Variants in BBS4 observed in about 807,000 individuals in gnomAD.
BBS4 encodes the protein BBSome complex member BBS4.
Under a neutral mutation model 71.4 loss-of-function variants are expected in BBS4, and 58 were observed. The ratio of observed to expected loss-of-function variants is 0.81; its 90% CI spans 0.66 to 1.01. BBS4 has a LOEUF of 1.01. BBS4 is among the 50% of genes least tolerant of loss of function. The pLI is 0.00. For synonymous variants in BBS4, 228 were observed against 216.8 expected, an observed-to-expected ratio of 1.05 and a Z score of -0.46; for missense variants, 660 against 607.9, an observed-to-expected ratio of 1.09 and a Z score of -0.90.
intron 10 of BBS4, 78 bp downstream of exon 10, chr15:72,729,762 A>G (rs1039149116): frequency 8.1e-7 from 1 of 1,234,028 alleles, no homozygotes; most frequent in Non-Finnish European, 1.2e-6. Context: ...CCTGGAAAGC[A>G]AAGGAATAGC....
chr15:72,723,037 T>A (rs771486025), intron 7 of BBS4, among the ~76,000 whole-genome samples, 190 bp downstream of exon 7: 2 of 152,154 alleles, frequency 1.3e-5, no homozygotes, highest in Non-Finnish European at 2.9e-5. Flanking sequence ...CTGCTTGTAA[T>A]AAGAACATGG....
intron 2 of BBS4, among the ~76,000 whole-genome samples, chr15:72,709,371 C>T (rs896046514): frequency 2.6e-5 from 4 of 152,202 alleles, no homozygotes; most frequent in Non-Finnish European, 5.9e-5. Flanking sequence ...GAAAGTCTTT[C>T]TGTTCACCTT....
rs367882912 is a variant in BBS4, at chr15:72,724,581, T to C, written c.513T>C (p.Tyr171=). The part of the protein sequence containing the change: ...ALNLNRHDLT[Y]IMLGKIHLLE... ...ATCTTAATAGGCACGATCTGACTTA[T>C]ATAATGCTGGGGAAGATCCACTTGC... The change falls in exon 8 of 16, where the codon TAT becomes TAC. Residue 171 remains tyrosine (Y), a synonymous_variant. Coordinates refer to ENST00000268057, the MANE Select transcript of BBS4 (RefSeq NM_033028.5). 206 of 1,614,110 alleles carry C rather than the reference T, an allele frequency of 1.3e-4. No homozygotes were observed. The highest frequency in any genetic ancestry group is 5.3e-4 in the Admixed American group (32 of 60,022).
intron 1 of BBS4, 106 bp from the exon 2 acceptor site, chr15:72,695,071 A>T: frequency 2.6e-6 from 2 of 769,432 alleles, no homozygotes; most frequent in Non-Finnish European, 4.5e-6. Context: ...TAATGGATTA[A>T]TTGCATAATT....
rs1034351933 is a variant in BBS4 at position 72,738,277 on chromosome 15, C to T, written c.*690C>T. 2.6e-5 allele frequency: 12 copies of T among 453,726 alleles called. No individual in the cohort carries two copies. Among genetic ancestry groups the T allele is most frequent in the African/African-American group, 6.0e-5 (3 of 49,936 alleles). 28.1% of individuals were successfully genotyped at this position (453,726 alleles called of 1,614,324 possible). A position where few individuals can be genotyped will look rare whatever the true frequency, so the allele number is the denominator to read the frequency against. ...CAGGGCTTGTCTGGATCAGCACCAACGATTTTAAAGAAAAAAGGAAGAGTT... is the reference window on the plus strand; with the variant it reads ...CAGGGCTTGTCTGGATCAGCACCAATGATTTTAAAGAAAAAAGGAAGAGTT... On this transcript the variant is annotated 3_prime_UTR_variant, in exon 16 of 16. Transcript: ENST00000268057.
intron 1 of BBS4, among the ~76,000 whole-genome samples, chr15:72,693,152 T>C (rs1236477716): frequency 6.6e-6 from 1 of 152,246 alleles, no homozygotes; most frequent in African/African-American, 2.4e-5. Flanking sequence ...TGCAAATGTA[T>C]GCCATTGTTG....
intron 1 of BBS4, 69 bp downstream of exon 1, chr15:72,686,320 C>G: frequency 6.5e-7 from 1 of 1,548,546 alleles, no homozygotes; most frequent in East Asian, 2.4e-5. Context: ...GCTTTTGTCC[C>G]ATGCAGCGGT....
At chr15:72,688,654 C>T (rs543388254) in intron 1 of BBS4, among the ~76,000 whole-genome samples, 4 of 152,032 alleles carry the variant, frequency 2.6e-5, no homozygotes, top group African/African-American at 4.8e-5. Flanking sequence ...CTGCACGCCT[C>T]GGTCTCCCAA....
chr15:72,686,551 C>G (rs1595897380), intron 1 of BBS4: 3 of 1,467,914 alleles, frequency 2.0e-6, no homozygotes, highest in Non-Finnish European at 2.7e-6. Context: ...TTTTCTGTCT[C>G]GGGGGTTTGG....
intron 6 of BBS4, among the ~76,000 whole-genome samples, chr15:72,722,530 T>C (rs979584640): frequency 6.6e-6 from 1 of 152,244 alleles, no homozygotes; most frequent in Non-Finnish European, 1.5e-5. Flanking sequence ...ATGGGCTGGG[T>C]ATGTGCCCCA....
At chr15:72,718,148 C>T (rs1329358722) in intron 6 of BBS4, among the ~76,000 whole-genome samples, 1 of 152,262 alleles carries the variant, frequency 6.6e-6, no homozygotes, top group South Asian at 2.1e-4. Context: ...CACGCCTGAC[C>T]CTCCTTGTCA....
chr15:72,738,188 G>GTATT lies in BBS4; in HGVS notation c.*603_*606dup, dbSNP rs1448900468. 2.2e-6 allele frequency: 1 copy of GTATT among 451,498 alleles called. No individual in the cohort carries two copies. Among genetic ancestry groups the GTATT allele is most frequent in the Admixed American group, 2.4e-5 (1 of 42,068 alleles). The allele number at this position is 451,498 out of a possible 1,614,324, so 28.0% of individuals were successfully genotyped here. On this transcript the variant is annotated 3_prime_UTR_variant, in exon 16 of 16. Transcript: ENST00000268057. ...GGGAATCCAGAACAAGTCCCTCCCTGTATTTTGTTCTTGAGAGGGGTCAGT... is the reference window on the plus strand; with the variant it reads ...GGGAATCCAGAACAAGTCCCTCCCTGTATTTATTTTGTTCTTGAGAGGGGTCAGT...
intron 12 of BBS4, among the ~76,000 whole-genome samples, chr15:72,733,177 G>T (rs571203159): frequency 6.6e-6 from 1 of 152,256 alleles, no homozygotes; most frequent in Non-Finnish European, 1.5e-5. Context: ...GGCTAAAGTG[G>T]GGTGTGATGG....
At chr15:72,700,399 C>T (rs923536313) in intron 2 of BBS4, among the ~76,000 whole-genome samples, 2 of 152,108 alleles carry the variant, frequency 1.3e-5, no homozygotes, top group African/African-American at 4.8e-5. Context: ...ACAGTTTTAC[C>T]CGACCGCCAG....
In BBS4 at chr15:72,737,851, C is replaced by CTTATGTATGTAGCTGAGTCA. The variant is rs1384287481; in HGVS notation, c.*265_*284dup. 2.0e-6 allele frequency: 1 copy of CTTATGTATGTAGCTGAGTCA among 496,914 alleles called. No individual in the cohort carries two copies. Among genetic ancestry groups the CTTATGTATGTAGCTGAGTCA allele is most frequent in the Non-Finnish European group, 3.9e-6 (1 of 254,954 alleles). 30.8% of individuals were successfully genotyped at this position (496,914 alleles called of 1,614,324 possible). ...AAGAACTGGCAGCAAGGCTTGAGGCCTTATGTATGTAGCTGAGTCAGCAAG... is the reference window on the plus strand; with the variant it reads ...AAGAACTGGCAGCAAGGCTTGAGGCCTTATGTATGTAGCTGAGTCATTATGTATGTAGCTGAGTCAGCAAG... On this transcript the variant is annotated 3_prime_UTR_variant, in exon 16 of 16. Coordinates refer to ENST00000268057, the MANE Select transcript of BBS4 (RefSeq NM_033028.5).
At chr15:72,692,304 ATTTTTTTTTTTTT>A (rs398027909) in intron 1 of BBS4, among the ~76,000 whole-genome samples, 4 of 59,264 alleles carry the variant, frequency 6.7e-5, no homozygotes, top group African/African-American at 1.3e-4. Context: ...TTACATTGCA[ATTTTTTTTTTTTT>A]TTTTTTTTTT....
chr15:72,736,019 T>C, intron 14 of BBS4, 53 bp downstream of exon 14: 1 of 1,607,970 alleles, frequency 6.2e-7, no homozygotes, highest in Non-Finnish European at 8.5e-7. Context: ...AGGAGACTTT[T>C]AAAAATCAAG....
At chr15:72,692,685 C>T (rs2150993919) in intron 1 of BBS4, among the ~76,000 whole-genome samples, 1 of 151,500 alleles carries the variant, frequency 6.6e-6, no homozygotes, top group East Asian at 1.9e-4. Flanking sequence ...AACTCCGCTT[C>T]CTGGGCTTAA....
At chr15:72,725,790 TCCCTCTTCCCCCATC>T (rs2065668344) in intron 8 of BBS4, among the ~76,000 whole-genome samples, 2 of 35,822 alleles carry the variant, frequency 5.6e-5, no homozygotes, top group Non-Finnish European at 1.0e-4. Flanking sequence ...CCTTCCTCCT[TCCCTCTTCCCCCATC>T]CCCCTTCCCC....
Sources: allele counts gnomAD v4.1 joint callset (sites outside exome capture counted in the v4.1 genomes callset), GRCh38; gene constraint gnomAD v4.1.1; transcripts MANE v1.5; gene names NCBI Gene and HGNC (gene_info 2026-07-23, HGNC 2026-07-21).